The following NAT2 variants were observed in gnomAD, a reference collection of about 807,000 sequenced individuals.
NAT2 encodes arylamine N-acetyltransferase 2.
For missense variants in NAT2, 428 were observed against 339.1 expected, an observed-to-expected ratio of 1.26 and a Z score of -2.06; for synonymous variants, 137 against 125.9, an observed-to-expected ratio of 1.09 and a Z score of -0.59.
upstream of NAT2, among the ~76,000 whole-genome samples, chr8:18,390,651 T>G (rs537748140): frequency 6.6e-6 from 1 of 152,244 alleles, no homozygotes; most frequent in African/African-American, 2.4e-5. Flanking sequence ...AAATATGGTG[T>G]GGATAATTAT....
chr8:18,400,344 T>C lies in NAT2; in HGVS notation c.341T>C (p.Ile114Thr), dbSNP rs1801280. The change falls in exon 2 of 2, where the codon ATT becomes ACT. Residue 114 changes from isoleucine (I) to threonine (T), a missense_variant. By Grantham distance (89) the Ile-to-Thr change is moderately conservative (BLOSUM62 -1). Transcript: ENST00000286479. ...GTTCACCTTCTCCTGCAGGTGACCATTGACGGCAGGAATTACATTGTCGAT... is the reference window on the plus strand; with the variant it reads ...GTTCACCTTCTCCTGCAGGTGACCACTGACGGCAGGAATTACATTGTCGAT... ...GMVHLLLQVT[I>T]DGRNYIVDAG... 678,506 of 1,612,532 alleles carry C rather than the reference T, an allele frequency of 0.42. 148,423 individuals are homozygous for C. The highest frequency in any genetic ancestry group is 0.45 in the Middle Eastern group (2,746 of 6,052).
At chr8:18,388,224 A>G (rs565456287), upstream of NAT2, among the ~76,000 whole-genome samples, 1 of 152,230 alleles carries the variant, frequency 6.6e-6, no homozygotes, top group African/African-American at 2.4e-5. Flanking sequence ...GAATTATTAC[A>G]TGTTTGTATG....
upstream of NAT2, chr8:18,387,307 G>A (rs1800520507): frequency 6.6e-6 from 1 of 152,268 alleles, no homozygotes; most frequent in Admixed American, 6.5e-5. Context: ...AAGCCCCTAG[G>A]GCAGGCGCTA....
chr8:18,394,911 A>G lies in NAT2; in HGVS notation c.-7+3566A>G, dbSNP rs115723917. Among the ~76,000 whole-genome samples, 490 of 152,326 alleles carry G rather than the reference A, an allele frequency of 3.2e-3. 3 individuals carry two copies. Among genetic ancestry groups the G allele is most frequent in the African/African-American group, 0.011 (473 of 41,578 alleles). ...ACTAAGAGTTTCCAAATTTCAGAGAAATCAGGCAGATAGAGGGAAATATGC... is the reference window on the plus strand; with the variant it reads ...ACTAAGAGTTTCCAAATTTCAGAGAGATCAGGCAGATAGAGGGAAATATGC... On this transcript the variant is annotated intron_variant, in intron 1 of 1. Transcript: ENST00000286479.
intron 1 of NAT2, among the ~76,000 whole-genome samples, chr8:18,399,157 G>A (rs908358037): frequency 2.6e-5 from 4 of 152,254 alleles, no homozygotes; most frequent in Non-Finnish European, 4.4e-5. Context: ...CTTGGGACAG[G>A]TTCCAGCTAA....
chr8:18,399,104 A>G (rs1190723053), intron 1 of NAT2, among the ~76,000 whole-genome samples: 1 of 152,110 alleles, frequency 6.6e-6, no homozygotes, highest in African/African-American at 2.4e-5. Flanking sequence ...CTTCTCACTG[A>G]CTGTGCTCCA....
At chr8:18,388,764 GA>G (rs755486104), upstream of NAT2, among the ~76,000 whole-genome samples, 1 of 152,166 alleles carries the variant, frequency 6.6e-6, no homozygotes, top group Non-Finnish European at 1.5e-5. Context: ...AAGTCACAGT[GA>G]AGAAGGAGCT....
chr8:18,396,531 G>A (rs985879860), intron 1 of NAT2, among the ~76,000 whole-genome samples: 14 of 152,138 alleles, frequency 9.2e-5, no homozygotes, highest in African/African-American at 3.1e-4. Context: ...GAGTAGCTGG[G>A]ATTACAGCTG....
chr8:18,391,512 C>A (rs1800591197), intron 1 of NAT2, among the ~76,000 whole-genome samples, 167 bp downstream of exon 1: 1 of 150,810 alleles, frequency 6.6e-6, no homozygotes, highest in Non-Finnish European at 1.5e-5. Context: ...GGAGGTCAGA[C>A]ACGCCTCATT....
intron 1 of NAT2, among the ~76,000 whole-genome samples, chr8:18,399,784 A>G (rs1395281292): frequency 6.6e-6 from 1 of 152,202 alleles, no homozygotes; most frequent in Non-Finnish European, 1.5e-5. Flanking sequence ...AGATACAATA[A>G]TACTTTCCTT....
intron 1 of NAT2, among the ~76,000 whole-genome samples, chr8:18,397,357 TTATAGA>T (rs1458998960): frequency 6.6e-6 from 1 of 151,974 alleles, no homozygotes; most frequent in Non-Finnish European, 1.5e-5. Flanking sequence ...GTAAAGAAAG[TTATAGA>T]TATAAAGATG....
chr8:18,393,705 T>C (rs1394019180), intron 1 of NAT2, among the ~76,000 whole-genome samples: 1 of 152,146 alleles, frequency 6.6e-6, no homozygotes, highest in Admixed American at 6.5e-5. Context: ...TGCAAGACTT[T>C]AAGAAAACCC....
chr8:18,396,864 G>A (rs1444337368), intron 1 of NAT2, among the ~76,000 whole-genome samples: 2 of 152,178 alleles, frequency 1.3e-5, no homozygotes, highest in Non-Finnish European at 2.9e-5. Context: ...AATGTGACTA[G>A]TTTTGTCTAA....
intron 1 of NAT2, among the ~76,000 whole-genome samples, chr8:18,397,219 TG>T (rs1486092127): frequency 6.6e-6 from 1 of 151,920 alleles, no homozygotes; most frequent in Non-Finnish European, 1.5e-5. Context: ...ATGTTTTTGA[TG>T]AAAAAAGAAA....
chr8:18,386,554 C>T (rs1217885245), upstream of NAT2, among the ~76,000 whole-genome samples: 1 of 152,190 alleles, frequency 6.6e-6, no homozygotes, highest in East Asian at 1.9e-4. Context: ...CAGCTTCTCC[C>T]GAGTGCCAGG....
upstream of NAT2, among the ~76,000 whole-genome samples, chr8:18,386,846 C>G (rs1800512751): frequency 6.6e-6 from 1 of 152,208 alleles, no homozygotes; most frequent in Non-Finnish European, 1.5e-5. Context: ...GATCTGCGCC[C>G]TGTGTTCAAG....
At chr8:18,397,206 G>A (rs1453764121) in intron 1 of NAT2, among the ~76,000 whole-genome samples, 1 of 151,962 alleles carries the variant, frequency 6.6e-6, no homozygotes, top group Non-Finnish European at 1.5e-5. Flanking sequence ...GTCTGTCAAA[G>A]ACATGTTTTT....
At chr8:18,386,696 A>G (rs888114979), upstream of NAT2, among the ~76,000 whole-genome samples, 2 of 151,898 alleles carry the variant, frequency 1.3e-5, no homozygotes, top group African/African-American at 4.8e-5. Context: ...AGGGCCAGTG[A>G]TTGTCTCACC....
upstream of NAT2, among the ~76,000 whole-genome samples, chr8:18,388,835 G>A (rs538933547): frequency 1.3e-5 from 2 of 152,298 alleles, no homozygotes; most frequent in East Asian, 3.9e-4. Context: ...CTTGTATGGT[G>A]AGGAAGTACT....
Sources: gnomAD v4.1 joint callset for allele counts (sites outside exome capture counted in the v4.1 genomes callset) on GRCh38, gnomAD v4.1.1 for gene constraint, MANE v1.5 for transcripts, NCBI Gene and HGNC (gene_info 2026-07-23, HGNC 2026-07-21) for gene names.